The following NECAB1 variants were observed in gnomAD, a reference collection of about 807,000 sequenced individuals.
The protein encoded by NECAB1 is N-terminal EF-hand calcium-binding protein 1.
Under a neutral mutation model 57.5 loss-of-function variants are expected in NECAB1, and 29 were observed. That is an observed-to-expected ratio of 0.50 (90% CI 0.38 to 0.69). The LOEUF (loss-of-function observed/expected upper bound fraction) is 0.69, where lower values mean the gene tolerates loss of function less well. Ranked by LOEUF, NECAB1 falls within the 30% of genes least tolerant of loss-of-function variation. The pLI is 0.00. For missense variants in NECAB1, 372 were observed against 413.8 expected, an observed-to-expected ratio of 0.90 and a Z score of 0.88; for synonymous variants, 142 against 147.7, an observed-to-expected ratio of 0.96 and a Z score of 0.28.
At chr8:90,825,291 A>G (rs929332941) in intron 3 of NECAB1, among the ~76,000 whole-genome samples, 2 of 151,914 alleles carry the variant, frequency 1.3e-5, no homozygotes, top group African/African-American at 2.4e-5. Context: ...GGACATAATT[A>G]TCTCTGGAGA....
At chr8:90,813,409 T>C (rs1812001813) in intron 2 of NECAB1, among the ~76,000 whole-genome samples, 2 of 152,074 alleles carry the variant, frequency 1.3e-5, no homozygotes, top group African/African-American at 4.8e-5. Flanking sequence ...ATGTTATATT[T>C]CAATATCTAA....
intron 1 of NECAB1, among the ~76,000 whole-genome samples, chr8:90,794,531 T>C (rs1434956346): frequency 2.0e-5 from 3 of 152,118 alleles, no homozygotes; most frequent in African/African-American, 7.2e-5. Flanking sequence ...ATTTAAGAAA[T>C]GATGTAAACT....
chr8:90,808,115 G>A (rs928081433), intron 2 of NECAB1, among the ~76,000 whole-genome samples: 1 of 151,904 alleles, frequency 6.6e-6, no homozygotes. Flanking sequence ...TACATAGCTG[G>A]GTTTATCAGC....
chr8:90,863,451 A>G (rs1808447788), intron 3 of NECAB1, among the ~76,000 whole-genome samples: 1 of 152,092 alleles, frequency 6.6e-6, no homozygotes. Context: ...TCAATTTTTC[A>G]AAAGATTAAG....
At chr8:90,821,930 A>C (rs1174534159) in intron 2 of NECAB1, among the ~76,000 whole-genome samples, 2 of 151,854 alleles carry the variant, frequency 1.3e-5, no homozygotes, top group Admixed American at 6.6e-5. Context: ...ACTGTGGTCT[A>C]AGCAACTGCA....
intron 12 of NECAB1, among the ~76,000 whole-genome samples, chr8:90,951,422 T>C (rs1810923032): frequency 6.6e-6 from 1 of 152,152 alleles, no homozygotes; most frequent in Non-Finnish European, 1.5e-5. Context: ...TTCCCAGCTA[T>C]ACTGAACCAT....
intron 8 of NECAB1, among the ~76,000 whole-genome samples, chr8:90,930,387 TGA>T (rs1218416983): frequency 6.6e-6 from 1 of 152,108 alleles, no homozygotes; most frequent in African/African-American, 2.4e-5. Flanking sequence ...AAGAGACACA[TGA>T]GAGAGAATTT....
intron 5 of NECAB1, 100 bp downstream of exon 5, chr8:90,881,230 C>T (rs1304604382): frequency 1.3e-6 from 1 of 768,418 alleles, no homozygotes; most frequent in Non-Finnish European, 2.1e-6. Context: ...TCTTTATTAT[C>T]ACTGATAGTT....
chr8:90,856,271 C>A (rs964420300), intron 3 of NECAB1, among the ~76,000 whole-genome samples: 1 of 152,012 alleles, frequency 6.6e-6, no homozygotes, highest in Admixed American at 6.6e-5. Context: ...GCCATAGTAA[C>A]AAATGTATTG....
Position 90,880,964 on chromosome 8 carries a change from A to G in NECAB1, c.260-69A>G, listed in dbSNP as rs1038957099. The G allele has an allele frequency of 9.1e-6, 10 of 1,093,684 alleles. No individual in the cohort carries two copies. In the Middle Eastern group the frequency reaches 1.9e-3, roughly 205 times the overall value. 67.7% of individuals were successfully genotyped at this position (1,093,684 alleles called of 1,614,324 possible). A position where few individuals can be genotyped will look rare whatever the true frequency, so the allele number is the denominator to read the frequency against. ...TTACTCATTTAAGGAGTAAATAATT[A>G]GTTGATTTTTTTGTTTTATGGTTAC... is the stretch of plus-strand genomic sequence containing the variant. On this transcript the variant is annotated intron_variant, in intron 4 of 12. Coordinates refer to ENST00000417640, the MANE Select transcript of NECAB1 (RefSeq NM_022351.5).
chr8:90,940,494 T>A (rs184902628), intron 9 of NECAB1: 1 of 290,024 alleles, frequency 3.4e-6, no homozygotes, highest in African/African-American at 2.1e-5. Context: ...GATTTTGATA[T>A]AAAGATAATT....
At chr8:90,861,327 T>C (rs890665459) in intron 3 of NECAB1, among the ~76,000 whole-genome samples, 1 of 152,170 alleles carries the variant, frequency 6.6e-6, no homozygotes, top group Non-Finnish European at 1.5e-5. Flanking sequence ...TAATTCCACA[T>C]TTCCCTTCCT....
At chr8:90,887,150 C>G (rs772105274) in intron 5 of NECAB1, among the ~76,000 whole-genome samples, 2 of 152,104 alleles carry the variant, frequency 1.3e-5, no homozygotes, top group Non-Finnish European at 2.9e-5. Flanking sequence ...GCTTGAACAT[C>G]GAGAACCTCT....
chr8:90,797,089 C>A (rs1169759085), intron 1 of NECAB1, among the ~76,000 whole-genome samples: 1 of 152,166 alleles, frequency 6.6e-6, no homozygotes, highest in Non-Finnish European at 1.5e-5. Flanking sequence ...GCTGGGGCTC[C>A]ATGGTTGCAG....
At chr8:90,848,717 G>A (rs920999619) in intron 3 of NECAB1, among the ~76,000 whole-genome samples, 3 of 152,298 alleles carry the variant, frequency 2.0e-5, no homozygotes, top group Non-Finnish European at 2.9e-5. Context: ...AAGTGCAATG[G>A]CTCATGTCTG....
intron 3 of NECAB1, among the ~76,000 whole-genome samples, chr8:90,846,162 C>T (rs1033765205): frequency 4.6e-5 from 7 of 152,216 alleles, no homozygotes; most frequent in Middle Eastern, 3.2e-3. Flanking sequence ...AAGTGAGTTA[C>T]ACAAGATTAC....
chr8:90,939,540 T>C (rs1006898225), intron 9 of NECAB1, among the ~76,000 whole-genome samples: 2 of 152,282 alleles, frequency 1.3e-5, no homozygotes, highest in African/African-American at 4.8e-5. Context: ...AGAATTATGA[T>C]GGAATAGGTG....
At chr8:90,815,080 C>A (rs546647131) in intron 2 of NECAB1, among the ~76,000 whole-genome samples, 142 of 152,168 alleles carry the variant, frequency 9.3e-4, no homozygotes, top group Non-Finnish European at 1.8e-3. Flanking sequence ...TTGTCCATAT[C>A]CTCTTACTCA....
intron 6 of NECAB1, among the ~76,000 whole-genome samples, chr8:90,921,681 A>T (rs974578474): frequency 2.0e-5 from 3 of 151,976 alleles, no homozygotes; most frequent in African/African-American, 7.3e-5. Flanking sequence ...TCTCAAAAAA[A>T]AAACAAAAAA....
Sources: allele counts gnomAD v4.1 joint callset (sites outside exome capture counted in the v4.1 genomes callset), GRCh38; gene constraint gnomAD v4.1.1; transcripts MANE v1.5; gene names NCBI Gene and HGNC (gene_info 2026-07-23, HGNC 2026-07-21).